The following LY86 variants were observed in gnomAD, a reference collection of about 807,000 sequenced individuals.
LY86 encodes lymphocyte antigen 86, also known as MD-1, RP105-associated.
LY86 carries 20 observed loss-of-function variants against 17.3 expected under a neutral mutation model. The ratio of observed to expected loss-of-function variants is 1.15; its 90% CI spans 0.81 to 1.68. The LOEUF (loss-of-function observed/expected upper bound fraction) is 1.68, where lower values mean the gene tolerates loss of function less well. LY86 is among the 40% of genes most tolerant of loss of function. LY86 has a pLI of 0.00. For missense variants in LY86, 200 were observed against 191.9 expected (o/e 1.04, Z -0.25); for synonymous variants, 74 against 70.6 (o/e 1.05, Z -0.24).
At chr6:6,647,381 C>A (rs1469944041) in intron 3 of LY86, among the ~76,000 whole-genome samples, 3 of 152,096 alleles carry the variant, frequency 2.0e-5, no homozygotes, top group African/African-American at 7.2e-5. Flanking sequence ...ATTCTTAATA[C>A]CACACTCTCC....
intron 1 of LY86, among the ~76,000 whole-genome samples, chr6:6,623,415 C>A (rs1761721590): frequency 6.6e-6 from 1 of 152,188 alleles, no homozygotes; most frequent in Admixed American, 6.5e-5. Context: ...CTGCCACTGC[C>A]AACATGATGG....
intron 1 of LY86, among the ~76,000 whole-genome samples, chr6:6,605,448 A>C (rs1761083133): frequency 6.6e-6 from 1 of 152,218 alleles, no homozygotes; most frequent in South Asian, 2.1e-4. Flanking sequence ...ATGCCCACTC[A>C]CAGGGCTGTT....
chr6:6,590,639 G>C (rs563206447), intron 1 of LY86, among the ~76,000 whole-genome samples: 1 of 152,210 alleles, frequency 6.6e-6, no homozygotes, highest in Non-Finnish European at 1.5e-5. Flanking sequence ...TCTGCTGTTA[G>C]AGGGACTGGC....
chr6:6,628,822 C>T (rs1039727756), intron 3 of LY86, among the ~76,000 whole-genome samples: 1 of 152,210 alleles, frequency 6.6e-6, no homozygotes, highest in African/African-American at 2.4e-5. Context: ...TTGCATTTGC[C>T]TGTGAACATA....
chr6:6,648,151 G>A (rs9328380), intron 3 of LY86, among the ~76,000 whole-genome samples: 40,605 of 151,840 alleles, frequency 0.27, 5,686 homozygotes, highest in Middle Eastern at 0.38. Flanking sequence ...GATCTCATTC[G>A]TGTTCTCTAC....
At chr6:6,603,619 C>CA (rs758614233) in intron 1 of LY86, among the ~76,000 whole-genome samples, 46 of 117,666 alleles carry the variant, frequency 3.9e-4, no homozygotes, top group Admixed American at 1.1e-3. Flanking sequence ...AAAAAACAAA[C>CA]AAAAAAAAAC....
chr6:6,647,643 G>T (rs1581253232), intron 3 of LY86, among the ~76,000 whole-genome samples: 1 of 152,064 alleles, frequency 6.6e-6, no homozygotes, highest in South Asian at 2.1e-4. Flanking sequence ...TCACCTCCTG[G>T]CTTCCTTGAT....
chr6:6,611,049 T>C (rs977453614), intron 1 of LY86, among the ~76,000 whole-genome samples: 2 of 152,226 alleles, frequency 1.3e-5, no homozygotes, highest in African/African-American at 4.8e-5. Flanking sequence ...GGGGTGATTC[T>C]AGGACCGTTA....
intron 3 of LY86, among the ~76,000 whole-genome samples, chr6:6,647,377 A>C (rs1762121631): frequency 6.6e-6 from 1 of 152,200 alleles, no homozygotes; most frequent in Non-Finnish European, 1.5e-5. Context: ...AGCCATTCTT[A>C]ATACCACACT....
intron 1 of LY86, among the ~76,000 whole-genome samples, chr6:6,612,469 C>A (rs888193382): frequency 6.6e-6 from 1 of 152,148 alleles, no homozygotes; most frequent in South Asian, 2.1e-4. Context: ...TTCATAAAAG[C>A]AATGCAGACC....
At chr6:6,615,098 T>C (rs1310935703) in intron 1 of LY86, among the ~76,000 whole-genome samples, 4 of 152,210 alleles carry the variant, frequency 2.6e-5, no homozygotes, top group Non-Finnish European at 5.9e-5. Flanking sequence ...ATCTCACGTT[T>C]AAGATCATAT....
chr6:6,604,825 C>CA (rs1181279577), intron 1 of LY86, among the ~76,000 whole-genome samples: 1 of 99,882 alleles, frequency 1.0e-5, no homozygotes, highest in Non-Finnish European at 2.1e-5. Flanking sequence ...GATAAAACCA[C>CA]AAACCACCAA....
At chr6:6,613,707 C>G (rs1009893790) in intron 1 of LY86, among the ~76,000 whole-genome samples, 2 of 152,248 alleles carry the variant, frequency 1.3e-5, no homozygotes, top group Non-Finnish European at 2.9e-5. Flanking sequence ...AGTGCAGCGG[C>G]GGGCTGAAGG....
At chr6:6,607,757 G>A (rs1272087154) in intron 1 of LY86, among the ~76,000 whole-genome samples, 5 of 152,072 alleles carry the variant, frequency 3.3e-5, no homozygotes, top group Admixed American at 1.3e-4. Context: ...AAAATTAGCT[G>A]GGCGTAGTGG....
chr6:6,612,093 C>A (rs148476290), intron 1 of LY86, among the ~76,000 whole-genome samples: 94 of 152,256 alleles, frequency 6.2e-4, no homozygotes, highest in African/African-American at 2.1e-3. Context: ...TTGAGAAGAT[C>A]CAAAAGCAAG....
intron 1 of LY86, among the ~76,000 whole-genome samples, chr6:6,607,669 G>T (rs1055081373): frequency 2.7e-5 from 4 of 150,472 alleles, no homozygotes. Flanking sequence ...GGAGGCTGAG[G>T]CAGGTAGATC....
At chr6:6,647,153 A>T (rs1490606739) in intron 3 of LY86, among the ~76,000 whole-genome samples, 1 of 152,186 alleles carries the variant, frequency 6.6e-6, no homozygotes, top group African/African-American at 2.4e-5. Context: ...ACCTGAACTC[A>T]TTCTGCTCTG....
intron 1 of LY86, among the ~76,000 whole-genome samples, chr6:6,597,051 A>G (rs1760737438): frequency 6.6e-6 from 1 of 152,234 alleles, no homozygotes; most frequent in African/African-American, 2.4e-5. Flanking sequence ...GGAGAGGTAG[A>G]AATGGGAAGG....
intron 1 of LY86, among the ~76,000 whole-genome samples, chr6:6,609,643 G>C (rs1008440846): frequency 3.3e-5 from 5 of 152,166 alleles, no homozygotes; most frequent in African/African-American, 9.7e-5. Context: ...AGTCAGCTCT[G>C]CCAACAGGAT....
Sources: gnomAD v4.1 joint callset for allele counts (sites outside exome capture counted in the v4.1 genomes callset) on GRCh38, gnomAD v4.1.1 for gene constraint, MANE v1.5 for transcripts, NCBI Gene and HGNC (gene_info 2026-07-23, HGNC 2026-07-21) for gene names.